The following DCLK1 variants were observed in gnomAD, a reference collection of about 807,000 sequenced individuals.
DCLK1 encodes the protein doublecortin like kinase 1.
DCLK1 carries 16 observed loss-of-function variants against 86.2 expected under a neutral mutation model. The ratio of observed to expected loss-of-function variants is 0.19; its 90% CI spans 0.13 to 0.28. DCLK1 has a LOEUF of 0.28. DCLK1 is among the 10% of genes least tolerant of loss of function. DCLK1 has a pLI of 1.00. For missense variants in DCLK1, 590 were observed against 940.2 expected, an observed-to-expected ratio of 0.63 and a Z score of 4.87; for synonymous variants, 369 against 370.5, an observed-to-expected ratio of 1.00 and a Z score of 0.05.
At chr13:35,929,865 T>TTC (rs1353955712) in intron 4 of DCLK1, among the ~76,000 whole-genome samples, 1 of 149,306 alleles carries the variant, frequency 6.7e-6, no homozygotes, top group Non-Finnish European at 1.5e-5. Flanking sequence ...TTTTTTTTCT[T>TTC]TTTTTTTTTT....
At chr13:36,030,463 A>AT (rs139224506) in intron 3 of DCLK1, among the ~76,000 whole-genome samples, 21 of 120,028 alleles carry the variant, frequency 1.7e-4, no homozygotes, top group African/African-American at 3.8e-4. Flanking sequence ...CACCTGGCTA[A>AT]TTTTTTTTTT....
intron 11 of DCLK1, among the ~76,000 whole-genome samples, chr13:35,817,813 T>G (rs922988442): frequency 6.6e-6 from 1 of 152,166 alleles, no homozygotes; most frequent in African/African-American, 2.4e-5. Flanking sequence ...AGACTCACAC[T>G]GAACGAACAG....
At chr13:35,945,749 G>A (rs1877346078) in intron 4 of DCLK1, among the ~76,000 whole-genome samples, 1 of 152,012 alleles carries the variant, frequency 6.6e-6, no homozygotes, top group Admixed American at 6.6e-5. Flanking sequence ...TGGTGGCGTG[G>A]GGGGGACCTT....
chr13:35,815,707 C>G (rs2087249751), intron 11 of DCLK1, among the ~76,000 whole-genome samples: 1 of 151,988 alleles, frequency 6.6e-6, no homozygotes, highest in Admixed American at 6.6e-5. Flanking sequence ...AAATTTAAAT[C>G]TTTAATCTTT....
chr13:35,867,949 G>GA (rs1467051832), intron 5 of DCLK1, among the ~76,000 whole-genome samples: 2 of 140,652 alleles, frequency 1.4e-5, no homozygotes, highest in East Asian at 4.2e-4. Context: ...AAGAAAGAAA[G>GA]AAAGAAAGAA....
intron 3 of DCLK1, among the ~76,000 whole-genome samples, chr13:36,096,045 A>G (rs901711717): frequency 1.3e-5 from 2 of 152,156 alleles, no homozygotes; most frequent in East Asian, 1.9e-4. Context: ...AACTATAAAC[A>G]AGTTCCATTG....
At chr13:35,795,117 A>G (rs2086782653) in intron 15 of DCLK1, among the ~76,000 whole-genome samples, 1 of 152,222 alleles carries the variant, frequency 6.6e-6, no homozygotes. Flanking sequence ...GAGAAAGGGC[A>G]TATTTTCTGG....
At chr13:36,103,323 G>A (rs1885284605) in intron 3 of DCLK1, among the ~76,000 whole-genome samples, 2 of 150,694 alleles carry the variant, frequency 1.3e-5, no homozygotes, top group Admixed American at 6.7e-5. Context: ...AATCACTTGA[G>A]CCTGGGAGGT....
chr13:35,957,982 AACCACC>A (rs1337330365), intron 3 of DCLK1, among the ~76,000 whole-genome samples: 4 of 149,494 alleles, frequency 2.7e-5, no homozygotes, highest in African/African-American at 4.9e-5. Flanking sequence ...TCACTGCTAT[AACCACC>A]ACCACCACCA....
intron 11 of DCLK1, among the ~76,000 whole-genome samples, chr13:35,811,383 G>A (rs924014923): frequency 1.3e-5 from 2 of 151,904 alleles, no homozygotes; most frequent in Non-Finnish European, 2.9e-5. Context: ...CGATGTATCT[G>A]TCTCTTGGTG....
At chr13:35,861,347 A>G (rs1346260640) in intron 5 of DCLK1, among the ~76,000 whole-genome samples, 1 of 152,188 alleles carries the variant, frequency 6.6e-6, no homozygotes, top group East Asian at 1.9e-4. Flanking sequence ...AGAACAGGCT[A>G]TGGTCATGAT....
intron 3 of DCLK1, among the ~76,000 whole-genome samples, chr13:36,109,622 G>A (rs1885537847): frequency 6.6e-6 from 1 of 152,190 alleles, no homozygotes; most frequent in African/African-American, 2.4e-5. Context: ...GCTATTGCAT[G>A]TATCATCATA....
At chr13:36,115,328 T>TAAAAAATC (rs10627322) in intron 2 of DCLK1, among the ~76,000 whole-genome samples, 2 of 151,752 alleles carry the variant, frequency 1.3e-5, no homozygotes, top group East Asian at 3.9e-4. Context: ...GAATTTATCT[T>TAAAAAATC]AAACAAACAA....
chr13:36,125,822 T>C lies in DCLK1; in HGVS notation c.316A>G (p.Arg106Gly). The C allele has an allele frequency of 6.2e-7, 1 of 1,614,116 alleles. No individual in the cohort carries two copies. The highest frequency in any genetic ancestry group is 8.5e-7 in the Non-Finnish European group (1 of 1,180,010). Reference protein sequence around the residue: ...SDNVNLPQGVRTIYTIDGLKK... With the variant: ...SDNVNLPQGVGTIYTIDGLKK... Reference sequence around the variant, plus strand: ...AGCCCATCAATGGTGTAGATTGTTCTCACTCCCTGGGGCAAATTCACGTTA... The same window carrying C: ...AGCCCATCAATGGTGTAGATTGTTCCCACTCCCTGGGGCAAATTCACGTTA... The change falls in exon 2 of 17, where the codon AGA becomes GGA. Residue 106 changes from arginine to glycine, a missense_variant. Around this residue, in one of 6 missense-constraint regions of DCLK1, gnomAD observed 195 missense variants for 365.1 expected, o/e 0.53. Transcript: ENST00000360631.
At chr13:35,803,898 A>G (rs2153101563) in intron 15 of DCLK1, among the ~76,000 whole-genome samples, 1 of 152,244 alleles carries the variant, frequency 6.6e-6, no homozygotes, top group South Asian at 2.1e-4. Flanking sequence ...CCATATATAT[A>G]TTCAAGCCTA....
At chr13:35,971,855 C>T (rs536340404) in intron 3 of DCLK1, among the ~76,000 whole-genome samples, 11 of 152,100 alleles carry the variant, frequency 7.2e-5, no homozygotes, top group Admixed American at 2.6e-4. Flanking sequence ...GAAATCCCAT[C>T]CCTGGACCTC....
chr13:36,072,429 G>A lies in DCLK1; in HGVS notation c.723+39440C>T, dbSNP rs76148045. Reference sequence around the variant, plus strand: ...AAACTCTTCCCTTCTCTAATGACACGTATTTCCTTGGTGAGCTCATCCGGT... The same window carrying A: ...AAACTCTTCCCTTCTCTAATGACACATATTTCCTTGGTGAGCTCATCCGGT... On this transcript the variant is annotated intron_variant, in intron 3 of 16. Coordinates refer to ENST00000360631, the MANE Select transcript of DCLK1 (RefSeq NM_001330071.2). 7.8e-3 allele frequency among the ~76,000 whole-genome samples: 1,186 copies of A among 152,236 alleles called. 17 individuals carry two copies. Among genetic ancestry groups the A allele is most frequent in the African/African-American group, 0.027 (1,103 of 41,528 alleles).
chr13:35,875,075 TC>T (rs1280300047), intron 4 of DCLK1, among the ~76,000 whole-genome samples: 1 of 152,256 alleles, frequency 6.6e-6, no homozygotes, highest in African/African-American at 2.4e-5. Context: ...TAGAGTCTTT[TC>T]ACCAGTGAGG....
intron 3 of DCLK1, among the ~76,000 whole-genome samples, chr13:35,978,670 A>G (rs1481833931): frequency 1.3e-5 from 2 of 152,164 alleles, no homozygotes; most frequent in African/African-American, 4.8e-5. Flanking sequence ...GAACACTCTC[A>G]AACAACCAAC....
Sources: allele counts gnomAD v4.1 joint callset (sites outside exome capture counted in the v4.1 genomes callset), GRCh38; gene constraint gnomAD v4.1.1; regional missense constraint gnomAD v4.1.1; transcripts MANE v1.5; gene names NCBI Gene and HGNC (gene_info 2026-07-23, HGNC 2026-07-21).